CCDC150: variants seen among roughly 807,000 people sequenced by gnomAD.
CCDC150 encodes coiled-coil domain-containing protein 150.
Under a neutral mutation model 156.5 loss-of-function variants are expected in CCDC150, and 151 were observed. The observed-to-expected ratio is 0.97, with a 90% CI of 0.85 to 1.10. The LOEUF (loss-of-function observed/expected upper bound fraction) is 1.10, where lower values mean the gene tolerates loss of function less well. CCDC150 is among the 50% of genes least tolerant of loss of function. The probability of loss-of-function intolerance (pLI) is 0.00; values close to 1 mark genes in which losing one functional copy is unlikely to be tolerated. For missense variants in CCDC150, 1,312 were observed against 1,268.1 expected, an observed-to-expected ratio of 1.03 and a Z score of -0.53; for synonymous variants, 452 against 429.4, an observed-to-expected ratio of 1.05 and a Z score of -0.65.
At chr2:196,656,453 A>G (rs1013513271) in intron 2 of CCDC150, among the ~76,000 whole-genome samples, 180 bp from the exon 3 acceptor site, 1 of 152,180 alleles carries the variant, frequency 6.6e-6, no homozygotes. Flanking sequence ...CAATTAATCA[A>G]TTCTCAGAGG....
intron 2 of CCDC150, among the ~76,000 whole-genome samples, chr2:196,652,398 A>G (rs1692940729): frequency 6.6e-6 from 1 of 152,254 alleles, no homozygotes; most frequent in African/African-American, 2.4e-5. Flanking sequence ...TCCTAAAGGA[A>G]GAAATTGGCT....
At chr2:196,675,539 G>A (rs1694444090) in intron 10 of CCDC150, among the ~76,000 whole-genome samples, 2 of 152,250 alleles carry the variant, frequency 1.3e-5, no homozygotes, top group Middle Eastern at 3.4e-3. Context: ...ATTATGTGTA[G>A]GGGTATATGG....
intron 14 of CCDC150, among the ~76,000 whole-genome samples, chr2:196,695,975 T>C (rs1695801386): frequency 6.6e-6 from 1 of 152,220 alleles, no homozygotes; most frequent in Admixed American, 6.5e-5. Flanking sequence ...AAGACCCCGA[T>C]GTGACTCTGT....
intron 15 of CCDC150, among the ~76,000 whole-genome samples, chr2:196,703,539 G>C (rs998048080): frequency 6.6e-6 from 1 of 152,098 alleles, no homozygotes; most frequent in African/African-American, 2.4e-5. Flanking sequence ...GGGAAAAATA[G>C]GCTACATTAC....
At chr2:196,711,094 G>T (rs1382545175) in intron 15 of CCDC150, among the ~76,000 whole-genome samples, 1 of 152,208 alleles carries the variant, frequency 6.6e-6, no homozygotes, top group African/African-American at 2.4e-5. Context: ...AGTTAGGTAA[G>T]TGCTTGGTTT....
At chr2:196,726,568 C>T (rs1211694927) in intron 22 of CCDC150, 3 of 155,556 alleles carry the variant, frequency 1.9e-5, no homozygotes, top group African/African-American at 7.2e-5. Context: ...TCTTGGGTAG[C>T]AGAGGCTGTG....
At position 196,712,745 on chromosome 2, in the gene CCDC150, G is replaced by C. The variant is rs369149309; in HGVS notation, c.1866+6G>C. ...CAGATGCTCACCTGAAAGAAGTATT[G>C]GTAATGAAAGTGCTTACTTGTCAGC... On this transcript the variant is annotated splice_donor_region_variant and intron_variant, in intron 17 of 27. Coordinates refer to ENST00000389175, the MANE Select transcript of CCDC150 (RefSeq NM_001080539.2). 36 of 1,604,052 alleles carry C rather than the reference G, an allele frequency of 2.2e-5. No individual in the cohort carries two copies. The highest frequency in any genetic ancestry group is 5.4e-5 in the African/African-American group (4 of 74,702).
intron 9 of CCDC150, among the ~76,000 whole-genome samples, chr2:196,673,103 AAATAT>A (rs1694302008): frequency 1.3e-5 from 2 of 152,156 alleles, no homozygotes; most frequent in African/African-American, 2.4e-5. Context: ...ATGTGTTTTT[AAATAT>A]AATAACATCA....
intron 15 of CCDC150, among the ~76,000 whole-genome samples, chr2:196,705,417 G>A (rs900677405): frequency 2.6e-5 from 4 of 152,112 alleles, no homozygotes; most frequent in African/African-American, 9.7e-5. Flanking sequence ...TTGTAAATTT[G>A]TTTAAGTTCT....
Position 196,695,088 on chromosome 2 carries a change from G to A in CCDC150, c.1552G>A (p.Glu518Lys). The A allele has an allele frequency of 6.2e-7, 1 of 1,612,442 alleles. No homozygotes were observed. The highest frequency in any genetic ancestry group is 8.5e-7 in the Non-Finnish European group (1 of 1,178,792). The change falls in exon 14 of 28, where the codon GAA (glutamate) becomes AAA (lysine). Residue 518 changes from glutamate to lysine, a missense_variant. Transcript: ENST00000389175. ...AACTCATAACCTGCAGACTCTTGAA[G>A]AAGAGAATAAGCACCTGGCAGATCA... ...TLTHNLQTLE[E>K]ENKHLADQMA...
At chr2:196,669,544 C>T (rs1033003657) in intron 7 of CCDC150, among the ~76,000 whole-genome samples, 1 of 152,140 alleles carries the variant, frequency 6.6e-6, no homozygotes, top group Admixed American at 6.5e-5. Flanking sequence ...AAATTCATCT[C>T]CTTGCCTTTA....
intron 2 of CCDC150, among the ~76,000 whole-genome samples, chr2:196,650,372 G>A (rs1692806051): frequency 6.6e-6 from 1 of 152,118 alleles, no homozygotes; most frequent in East Asian, 1.9e-4. Flanking sequence ...TCCTTTTACT[G>A]TACTGTGGAA....
intron 17 of CCDC150, 139 bp downstream of exon 17, chr2:196,712,878 C>T (rs879374794): frequency 2.5e-5 from 16 of 641,324 alleles, no homozygotes; most frequent in Admixed American, 8.9e-5. Context: ...GAACATACCC[C>T]AGGAAGGTGT....
In CCDC150 at chr2:196,657,099, G is replaced by A; in HGVS notation, c.539G>A (p.Arg180Lys). ...EEDKAQDEVQ[R>K]LTATLKIASQ... ...GACAAGGCACAAGATGAGGTGCAAA[G>A]GTTGACTGCCACTCTGAAGATTGCC... is the stretch of plus-strand genomic sequence containing the variant. The change falls in exon 4 of 28, where the codon AGG (arginine) becomes AAG (lysine). Residue 180 changes from arginine to lysine, a missense_variant. Physicochemically the swap from Arg to Lys is conservative, Grantham distance 26. Transcript: ENST00000389175. 6.2e-7 allele frequency: 1 copy of A among 1,613,784 alleles called. No homozygotes were observed. Among genetic ancestry groups the A allele is most frequent in the African/African-American group, 1.3e-5 (1 of 75,038 alleles).
chr2:196,712,470 A>G (rs1386580874), intron 16 of CCDC150: 1 of 584,706 alleles, frequency 1.7e-6, no homozygotes, highest in East Asian at 2.8e-5. Context: ...GAGACATTCA[A>G]CTTGCTTATT....
rs1185083048 is a variant in CCDC150, at chr2:196,713,388, G to A, written c.1866+649G>A. On this transcript the variant is annotated intron_variant, in intron 17 of 27. Coordinates refer to ENST00000389175, the MANE Select transcript of CCDC150 (RefSeq NM_001080539.2). The stretch of plus-strand genomic sequence containing the variant: ...CTAAGAAAAAGGAAATCCCCAGAGA[G>A]GACTGCATCTTCAAAATCCCCCGAA... 2.0e-6 allele frequency: 3 copies of A among 1,526,392 alleles called. No homozygotes were observed. The African/African-American group carries it at 4.2e-5, about 21-fold the overall frequency. The allele number at this position is 1,526,392 out of a possible 1,614,324, so 94.6% of individuals were successfully genotyped here. A position where few individuals can be genotyped will look rare whatever the true frequency, so the allele number is the denominator to read the frequency against.
At chr2:196,703,502 G>A (rs893412219) in intron 15 of CCDC150, among the ~76,000 whole-genome samples, 2 of 152,144 alleles carry the variant, frequency 1.3e-5, no homozygotes, top group African/African-American at 4.8e-5. Context: ...ATGAGGATAA[G>A]CACACCTCTC....
chr2:196,729,050 C>A, intron 22 of CCDC150, 143 bp from the exon 23 acceptor site: 2 of 718,124 alleles, frequency 2.8e-6, no homozygotes, highest in South Asian at 2.1e-5. Flanking sequence ...CTCCATAAAT[C>A]TGCTTAATCA....
chr2:196,698,818 C>G (rs1347048590), intron 14 of CCDC150, among the ~76,000 whole-genome samples: 2 of 152,144 alleles, frequency 1.3e-5, no homozygotes, highest in Non-Finnish European at 2.9e-5. Flanking sequence ...TTAGGTATAT[C>G]TCCTAATGCT....
Sources: allele counts gnomAD v4.1 joint callset (sites outside exome capture counted in the v4.1 genomes callset), GRCh38; gene constraint gnomAD v4.1.1; transcripts MANE v1.5; gene names NCBI Gene and HGNC (gene_info 2026-07-23, HGNC 2026-07-21).